Variants in MORN1 observed in about 807,000 individuals in gnomAD.
The protein encoded by MORN1 is MORN repeat-containing protein 1.
Under a neutral mutation model 61.9 loss-of-function variants are expected in MORN1, and 67 were observed. The ratio of observed to expected loss-of-function variants is 1.08; its 90% confidence interval spans 0.89 to 1.33. The LOEUF is 1.33. Among genes scored for constraint, MORN1 ranks in the 40% most tolerant of loss-of-function variants. The probability of loss-of-function intolerance (pLI) is 0.00; values close to 1 mark genes in which losing one functional copy is unlikely to be tolerated. For synonymous variants in MORN1, 301 were observed against 292.0 expected (o/e 1.03, Z -0.31); for missense variants, 752 against 691.2 (o/e 1.09, Z -0.99).
At chr1:2,352,121 G>C (rs1458447237) in intron 10 of MORN1, 1 of 412,066 alleles carries the variant, frequency 2.4e-6, no homozygotes, top group African/African-American at 2.1e-5. Context: ...ATTGTGTAGA[G>C]TGTTTGTGAG....
At chr1:2,348,298 G>A (rs1641558976) in intron 10 of MORN1, among the ~76,000 whole-genome samples, 2 of 152,206 alleles carry the variant, frequency 1.3e-5, no homozygotes, top group Admixed American at 1.3e-4. Context: ...CGACGCTCAT[G>A]CCTTTCATGG....
At chr1:2,347,761 C>T (rs931279129) in intron 10 of MORN1, among the ~76,000 whole-genome samples, 3 of 152,126 alleles carry the variant, frequency 2.0e-5, no homozygotes, top group Admixed American at 6.5e-5. Flanking sequence ...CCTGCTCGGC[C>T]CCCGCTGCCC....
intron 6 of MORN1, among the ~76,000 whole-genome samples, chr1:2,384,543 C>T (rs992896668): frequency 6.6e-6 from 1 of 152,250 alleles, no homozygotes; most frequent in Non-Finnish European, 1.5e-5. Context: ...ACGGTAAGGG[C>T]ATCTCCTCTC....
chr1:2,322,006 GT>G (rs954470783), intron 13 of MORN1: 15 of 984,102 alleles, frequency 1.5e-5, no homozygotes, highest in Non-Finnish European at 1.6e-5. Flanking sequence ...TCCATAAACT[GT>G]TTTTAAAAAT....
rs1374488803 is a variant in MORN1 at position 2,357,821 on chromosome 1, G to A, written c.870-223C>T. Among the ~76,000 whole-genome samples, 1 of 152,146 alleles carries A rather than the reference G, an allele frequency of 6.6e-6. No individual in the cohort carries two copies. The highest frequency in any genetic ancestry group is 1.5e-5 in the Non-Finnish European group (1 of 68,026). ...GACAGCAGGTCTTGGCTTGAAGGAA[G>A]AGCTGCCTGCCGCCCCCATTATTAT... On this transcript the variant is annotated intron_variant, in intron 9 of 13. Coordinates refer to ENST00000378531, the MANE Select transcript of MORN1 (RefSeq NM_024848.3). This position sits in a 1 kb window ranked among gnomAD's most constrained non-coding sequence, Gnocchi z 6.3.
At chr1:2,371,622 A>G (rs1426483771) in intron 8 of MORN1, 1 of 152,274 alleles carries the variant, frequency 6.6e-6, no homozygotes, top group African/African-American at 2.4e-5. Context: ...AGTTTCTTTA[A>G]AAGTTTAGGC....
intron 10 of MORN1, among the ~76,000 whole-genome samples, chr1:2,338,462 C>T (rs570410952): frequency 5.9e-5 from 9 of 152,258 alleles, no homozygotes; most frequent in African/African-American, 1.9e-4. Context: ...ACTTGGACTG[C>T]GTCTTTTATC....
intron 6 of MORN1, among the ~76,000 whole-genome samples, chr1:2,380,183 TACAA>T (rs773680049): frequency 6.6e-5 from 10 of 152,216 alleles, no homozygotes; most frequent in Admixed American, 1.3e-4. Flanking sequence ...CAGCAGAGTC[TACAA>T]ACACACAGTG....
intron 12 of MORN1, among the ~76,000 whole-genome samples, chr1:2,335,711 G>T (rs1641250424): frequency 6.6e-6 from 1 of 152,150 alleles, no homozygotes; most frequent in Admixed American, 6.5e-5. Flanking sequence ...GGTGGGAGCG[G>T]GGCGGGTGCT....
At chr1:2,355,014 G>C (rs926954070) in intron 10 of MORN1, among the ~76,000 whole-genome samples, 1 of 152,206 alleles carries the variant, frequency 6.6e-6, no homozygotes, top group Admixed American at 6.5e-5. Flanking sequence ...AGCCTGAGCC[G>C]GGCTGAGAGT....
intron 4 of MORN1, chr1:2,386,970 T>C (rs2100374134): frequency 5.7e-6 from 1 of 174,638 alleles, no homozygotes; most frequent in East Asian, 1.5e-4. Flanking sequence ...CCAAGACTAC[T>C]GGGCAAGGAG....
intron 10 of MORN1, among the ~76,000 whole-genome samples, chr1:2,348,408 G>A (rs1641561273): frequency 6.6e-6 from 1 of 152,166 alleles, no homozygotes; most frequent in Non-Finnish European, 1.5e-5. Context: ...TCCGTGGGGA[G>A]CTGACTCCTC....
intron 8 of MORN1, among the ~76,000 whole-genome samples, chr1:2,363,787 A>AAC (rs1641943012): frequency 5.2e-5 from 4 of 77,132 alleles, no homozygotes; most frequent in African/African-American, 8.5e-5. Flanking sequence ...CAGTTAGAAA[A>AAC]ACAAACAAAC....
chr1:2,333,572 G>C (rs1171543394), intron 12 of MORN1, among the ~76,000 whole-genome samples: 1 of 152,240 alleles, frequency 6.6e-6, no homozygotes, highest in East Asian at 1.9e-4. Context: ...GGTCTCCTGG[G>C]ACTCCAGGGT....
chr1:2,323,092 C>T (rs888710178), intron 13 of MORN1: 34 of 985,278 alleles, frequency 3.5e-5, no homozygotes, highest in South Asian at 1.9e-4. Flanking sequence ...AGCGCCTAGC[C>T]GATTCCTGTC....
chr1:2,329,494 G>A (rs1274309595), intron 12 of MORN1, among the ~76,000 whole-genome samples: 1 of 152,168 alleles, frequency 6.6e-6, no homozygotes, highest in East Asian at 1.9e-4. Context: ...ATCCCTGGGG[G>A]CCCAGCCCCC....
intron 10 of MORN1, chr1:2,351,834 A>G: frequency 1.9e-6 from 1 of 527,322 alleles, no homozygotes; most frequent in Non-Finnish European, 3.7e-6. Context: ...GTGTGGCAGC[A>G]TCTTGCTACT....
chr1:2,359,548 G>A (rs552131850), intron 8 of MORN1, among the ~76,000 whole-genome samples: 25 of 152,266 alleles, frequency 1.6e-4, no homozygotes, highest in African/African-American at 3.4e-4. Context: ...CTTGGGCACC[G>A]TGGGTGGAGG....
Position 2,372,695 on chromosome 1 carries a change from T to C in MORN1, c.635-104A>G. 3.7e-6 allele frequency: 3 copies of C among 804,480 alleles called. No homozygotes were observed. The highest frequency in any genetic ancestry group is 6.0e-6 in the Non-Finnish European group (3 of 504,184). 49.8% of individuals were successfully genotyped at this position (804,480 alleles called of 1,614,324 possible). ...ACCCCAGGAACCGACCAGAGCCCAG[T>C]GTGGCAGCTGGAACACAAGCACATG... On this transcript the variant is annotated intron_variant, in intron 7 of 13. Coordinates refer to ENST00000378531, the MANE Select transcript of MORN1 (RefSeq NM_024848.3). The surrounding 1 kb of genome is among the most constrained non-coding windows in gnomAD (Gnocchi z 5.4).
Sources: gnomAD v4.1 joint callset for allele counts (sites outside exome capture counted in the v4.1 genomes callset) on GRCh38, gnomAD v4.1.1 for gene constraint, Gnocchi (gnomAD v3.1) non-coding constraint, MANE v1.5 for transcripts, NCBI Gene and HGNC (gene_info 2026-07-23, HGNC 2026-07-21) for gene names.